DRC8: variants seen among roughly 807,000 people sequenced by gnomAD.
The protein encoded by DRC8 is dynein regulatory complex subunit 8.
the DRC8 span, among the ~76,000 whole-genome samples, chr1:245,088,932 G>A: frequency 3.7e-4 from 57 of 152,286 alleles, no homozygotes; most frequent in African/African-American, 1.2e-3. This position sits in a 1 kb window ranked among gnomAD's most constrained non-coding sequence, Gnocchi z 4.6. Flanking sequence ...GTGGTAAACA[G>A]GAGCGGTATC....
the DRC8 span, chr1:245,083,882 G>C: frequency 4.7e-6 from 3 of 637,128 alleles, no homozygotes; most frequent in Non-Finnish European, 7.4e-6. Context: ...GGAAAGGGGA[G>C]ATGGGTTGTT....
the DRC8 span, among the ~76,000 whole-genome samples, chr1:244,977,079 G>A: frequency 2.0e-5 from 3 of 152,158 alleles, no homozygotes; most frequent in Non-Finnish European, 2.9e-5. Flanking sequence ...GAGGTACCTA[G>A]AGAAGTCAAA....
At chr1:245,005,677 CAG>C in the DRC8 span, among the ~76,000 whole-genome samples, 7 of 152,140 alleles carry the variant, frequency 4.6e-5, no homozygotes, top group African/African-American at 1.7e-4. Flanking sequence ...CAGGTACTAT[CAG>C]AGTTATTCTC....
the DRC8 span, among the ~76,000 whole-genome samples, chr1:245,001,530 C>A: frequency 1.3e-5 from 2 of 152,282 alleles, no homozygotes; most frequent in East Asian, 1.9e-4. Flanking sequence ...GACTGGTTCT[C>A]TCACCCTGGG....
the DRC8 span, among the ~76,000 whole-genome samples, chr1:245,039,234 T>C: frequency 1.5e-5 from 2 of 134,244 alleles, no homozygotes; most frequent in East Asian, 4.3e-4. Context: ...TTGAAATAAT[T>C]TTAGAGTTAT....
At chr1:244,994,404 A>G in the DRC8 span, among the ~76,000 whole-genome samples, 1 of 152,152 alleles carries the variant, frequency 6.6e-6, no homozygotes, top group Non-Finnish European at 1.5e-5. Context: ...GGCTCCTACT[A>G]AGATAGCTAA....
the DRC8 span, among the ~76,000 whole-genome samples, chr1:245,000,529 C>T: frequency 6.6e-6 from 1 of 151,846 alleles, no homozygotes; most frequent in Non-Finnish European, 1.5e-5. Flanking sequence ...AGCCTGTAAT[C>T]CCAGCACTTT....
the DRC8 span, among the ~76,000 whole-genome samples, chr1:245,084,062 G>GC: frequency 0.024 from 1,835 of 77,924 alleles, 266 homozygotes; most frequent in African/African-American, 0.076. Context: ...TAAAAATTCC[G>GC]CCCCCCCCCC....
the DRC8 span, among the ~76,000 whole-genome samples, chr1:245,000,058 A>T: frequency 6.6e-6 from 1 of 152,228 alleles, no homozygotes; most frequent in Non-Finnish European, 1.5e-5. Flanking sequence ...ACCTCAGGTG[A>T]TCCACCTGCC....
At chr1:245,015,723 AAAG>A in the DRC8 span, 629 of 284,154 alleles carry the variant, frequency 2.2e-3, 2 homozygotes, top group South Asian at 5.0e-3. Context: ...AAAAAAAAAA[AAAG>A]AAAGAAAGAA....
the DRC8 span, among the ~76,000 whole-genome samples, chr1:245,020,490 A>G: frequency 6.6e-6 from 1 of 152,118 alleles, no homozygotes; most frequent in Admixed American, 6.6e-5. Flanking sequence ...ATTAGTTCTC[A>G]GAGTGCCCCC....
the DRC8 span, among the ~76,000 whole-genome samples, chr1:245,037,815 T>C: frequency 6.6e-6 from 1 of 151,988 alleles, no homozygotes; most frequent in African/African-American, 2.4e-5. Context: ...AATTAATACA[T>C]AGAAATCAAG....
the DRC8 span, among the ~76,000 whole-genome samples, chr1:245,069,886 T>A: frequency 2.0e-5 from 3 of 151,696 alleles, no homozygotes; most frequent in Non-Finnish European, 4.4e-5. Flanking sequence ...TACAAAAAAA[T>A]TTTTAAAAAT....
chr1:245,025,207 T>C, the DRC8 span, among the ~76,000 whole-genome samples: 1 of 152,346 alleles, frequency 6.6e-6, no homozygotes, highest in East Asian at 1.9e-4. Flanking sequence ...GGAGTGCCTC[T>C]AAGGTAAAGA....
the DRC8 span, among the ~76,000 whole-genome samples, chr1:245,078,545 G>A: frequency 6.6e-6 from 1 of 152,092 alleles, no homozygotes; most frequent in Non-Finnish European, 1.5e-5. Context: ...GATGAACTTG[G>A]AGGACATTAT....
chr1:245,099,129 CA>C, the DRC8 span, among the ~76,000 whole-genome samples: 7 of 152,034 alleles, frequency 4.6e-5, no homozygotes, highest in Non-Finnish European at 1.0e-4. Flanking sequence ...TGAAACCTAA[CA>C]ATACGGACCA....
chr1:245,025,425 C>T, the DRC8 span, among the ~76,000 whole-genome samples: 1 of 152,090 alleles, frequency 6.6e-6, no homozygotes, highest in African/African-American at 2.4e-5. Flanking sequence ...AAAATGCCAG[C>T]ACCACTTAAG....
At chr1:245,120,400 C>T in the DRC8 span, among the ~76,000 whole-genome samples, 1 of 152,138 alleles carries the variant, frequency 6.6e-6, no homozygotes, top group African/African-American at 2.4e-5. Context: ...CGTGAATGTG[C>T]CATATTTTAT....
the DRC8 span, among the ~76,000 whole-genome samples, chr1:245,068,310 TTAAA>T: frequency 5.9e-5 from 9 of 152,268 alleles, no homozygotes; most frequent in Non-Finnish European, 1.3e-4. Context: ...ACAAAAAATT[TTAAA>T]TAAATAGGAA....
Sources: allele counts gnomAD v4.1 joint callset (sites outside exome capture counted in the v4.1 genomes callset), GRCh38; gene constraint gnomAD v4.1.1; non-coding constraint Gnocchi (gnomAD v3.1); transcripts MANE v1.5; gene names NCBI Gene and HGNC (gene_info 2026-07-23, HGNC 2026-07-21).